Variants in EYS observed in about 807,000 individuals in gnomAD.
EYS encodes the protein protein eyes shut homolog.
A neutral mutation model predicts 282.1 loss-of-function variants in EYS; 250 were observed. The ratio of observed to expected loss-of-function variants is 0.89; its 90% CI spans 0.80 to 0.98. The LOEUF is 0.98. Among genes scored for constraint, EYS ranks in the 50% least tolerant of loss-of-function variants. The probability of loss-of-function intolerance (pLI) is 0.00; values close to 1 mark genes in which losing one functional copy is unlikely to be tolerated. For missense variants in EYS, 4,016 were observed against 3,709.0 expected, an observed-to-expected ratio of 1.08 and a Z score of -2.15; for synonymous variants, 1,355 against 1,282.9, an observed-to-expected ratio of 1.06 and a Z score of -1.20.
chr6:64,967,960 T>G (rs1770153312), intron 14 of EYS, among the ~76,000 whole-genome samples: 1 of 152,176 alleles, frequency 6.6e-6, no homozygotes, highest in African/African-American at 2.4e-5. Flanking sequence ...AGTTCATCTT[T>G]GTAGTCCCAA....
chr6:65,124,752 C>G (rs1459842111), intron 12 of EYS, among the ~76,000 whole-genome samples: 2 of 152,144 alleles, frequency 1.3e-5, no homozygotes, highest in Non-Finnish European at 2.9e-5. Context: ...AATTGTTCAT[C>G]TAAATGCTCT....
intron 22 of EYS, among the ~76,000 whole-genome samples, chr6:64,808,868 G>C (rs1342867731): frequency 1.3e-5 from 2 of 152,010 alleles, no homozygotes; most frequent in African/African-American, 4.8e-5. Context: ...AATGAACAAA[G>C]TATAAATCTG....
At chr6:64,520,758 C>T (rs561163452) in intron 26 of EYS, among the ~76,000 whole-genome samples, 7 of 151,716 alleles carry the variant, frequency 4.6e-5, no homozygotes, top group East Asian at 3.9e-4. Flanking sequence ...AGCTTTGCTA[C>T]GGGGTACTGT....
chr6:64,031,670 G>T (rs1304292310), intron 33 of EYS, among the ~76,000 whole-genome samples: 1 of 152,178 alleles, frequency 6.6e-6, no homozygotes, highest in Non-Finnish European at 1.5e-5. Flanking sequence ...TCTAGCTCAG[G>T]GTTTGTGAAT....
chr6:64,347,642 T>C (rs1386990096), intron 29 of EYS, among the ~76,000 whole-genome samples: 1 of 151,330 alleles, frequency 6.6e-6, no homozygotes, highest in African/African-American at 2.4e-5. Context: ...TCCACTGGTG[T>C]TTACTTTGCT....
intron 13 of EYS, among the ~76,000 whole-genome samples, chr6:65,038,458 A>T (rs996819977): frequency 6.6e-6 from 1 of 151,402 alleles, no homozygotes; most frequent in African/African-American, 2.4e-5. Flanking sequence ...CATACATATC[A>T]CTAGGTCCTT....
chr6:64,643,877 C>A (rs982985407), intron 22 of EYS, among the ~76,000 whole-genome samples: 1 of 152,192 alleles, frequency 6.6e-6, no homozygotes, highest in African/African-American at 2.4e-5. Flanking sequence ...GTCCATTAAA[C>A]CTCTTTCTTT....
intron 41 of EYS, among the ~76,000 whole-genome samples, chr6:63,740,297 T>A (rs1480427894): frequency 6.6e-6 from 1 of 152,118 alleles, no homozygotes; most frequent in African/African-American, 2.4e-5. Flanking sequence ...TCTGATGGTT[T>A]TAAAATGGGA....
chr6:64,560,568 A>ATTAT (rs1253527490), intron 26 of EYS, among the ~76,000 whole-genome samples: 1 of 152,104 alleles, frequency 6.6e-6, no homozygotes, highest in African/African-American at 2.4e-5. Flanking sequence ...CCATCTCACT[A>ATTAT]TTATGCCTAA....
At chr6:65,623,505 G>A (rs1172659971) in intron 2 of EYS, among the ~76,000 whole-genome samples, 4 of 152,018 alleles carry the variant, frequency 2.6e-5, no homozygotes, top group African/African-American at 7.2e-5. Flanking sequence ...GGACAGCTGA[G>A]ATAAATAATT....
intron 29 of EYS, among the ~76,000 whole-genome samples, chr6:64,346,405 A>G (rs926557004): frequency 6.6e-6 from 1 of 152,004 alleles, no homozygotes; most frequent in African/African-American, 2.4e-5. Flanking sequence ...CTTTGTAGGG[A>G]CATGGATGAA....
chr6:65,136,806 CTCT>C (rs1776034631), intron 12 of EYS, among the ~76,000 whole-genome samples: 1 of 152,024 alleles, frequency 6.6e-6, no homozygotes, highest in South Asian at 2.1e-4. Context: ...CCACCTCAGT[CTCT>C]TAAGTGGGAC....
chr6:64,086,105 C>T (rs1772149327), intron 31 of EYS, among the ~76,000 whole-genome samples: 1 of 152,118 alleles, frequency 6.6e-6, no homozygotes, highest in African/African-American at 2.4e-5. Context: ...GTCTTGAGTC[C>T]TCTAATCATT....
intron 15 of EYS, among the ~76,000 whole-genome samples, chr6:64,916,015 G>A (rs538742530): frequency 3.9e-5 from 6 of 152,064 alleles, no homozygotes; most frequent in Middle Eastern, 3.4e-3. Flanking sequence ...AGTCTTAAGA[G>A]AACTTCAGTG....
intron 1 of EYS, among the ~76,000 whole-genome samples, chr6:65,702,433 T>C (rs79718699): frequency 0.014 from 2,066 of 152,298 alleles, 53 homozygotes; most frequent in African/African-American, 0.048. Context: ...GCTCATGCCT[T>C]GTAATTCCAG....
intron 35 of EYS, among the ~76,000 whole-genome samples, chr6:63,940,893 C>T (rs1332391061): frequency 1.4e-5 from 2 of 145,236 alleles, no homozygotes; most frequent in Non-Finnish European, 3.0e-5. Context: ...TCCAAGTGTT[C>T]TCATTGTTCA....
chr6:65,277,103 A>T (rs1768068743), intron 12 of EYS, among the ~76,000 whole-genome samples: 1 of 152,118 alleles, frequency 6.6e-6, no homozygotes, highest in African/African-American at 2.4e-5. Context: ...AGACATAAGA[A>T]GGTGGAGTCC....
At chr6:64,249,230 C>T (rs912594002) in intron 30 of EYS, among the ~76,000 whole-genome samples, 6 of 151,936 alleles carry the variant, frequency 3.9e-5, no homozygotes, top group African/African-American at 1.5e-4. Context: ...TCTTTTGCAG[C>T]AACATGAAAG....
intron 31 of EYS, among the ~76,000 whole-genome samples, chr6:64,149,427 A>C (rs1027390618): frequency 1.3e-5 from 2 of 152,182 alleles, no homozygotes; most frequent in African/African-American, 4.8e-5. Flanking sequence ...TTTTATATAG[A>C]GCCCATGGTG....
Sources: gnomAD v4.1 joint callset for allele counts (sites outside exome capture counted in the v4.1 genomes callset) on GRCh38, gnomAD v4.1.1 for gene constraint, MANE v1.5 for transcripts, NCBI Gene and HGNC (gene_info 2026-07-23, HGNC 2026-07-21) for gene names.